Variants in PLXNA4 observed in about 807,000 individuals in gnomAD.
The protein encoded by PLXNA4 is plexin A4.
PLXNA4 carries 44 observed loss-of-function variants against 191.8 expected under a neutral mutation model. The ratio of observed to expected loss-of-function variants is 0.23; its 90% CI spans 0.18 to 0.29. PLXNA4 has a LOEUF of 0.29. Among genes scored for constraint, PLXNA4 ranks in the 10% least tolerant of loss-of-function variants. PLXNA4 has a pLI of 1.00. For synonymous variants in PLXNA4, 1,082 were observed against 1,009.5 expected, an observed-to-expected ratio of 1.07 and a Z score of -1.36; for missense variants, 1,800 against 2,488.8, an observed-to-expected ratio of 0.72 and a Z score of 5.89.
At chr7:132,239,279 G>A (rs1168733264) in intron 5 of PLXNA4, among the ~76,000 whole-genome samples, 3 of 152,158 alleles carry the variant, frequency 2.0e-5, no homozygotes, top group Non-Finnish European at 1.5e-5. Flanking sequence ...CAGCCCTGGG[G>A]GTGGGAGGTG....
Position 132,198,623 on chromosome 7 carries a change from G to A in PLXNA4, c.2600C>T (p.Thr867Ile). The change falls in exon 13 of 32, where the codon ACA becomes ATA. Residue 867 changes from threonine (T) to isoleucine (I), a missense_variant. This residue lies in a region of PLXNA4 where 1,397 missense variants were observed against 1,880.4 expected (regional missense o/e 0.74). Coordinates refer to ENST00000321063, the MANE Select transcript of PLXNA4 (RefSeq NM_020911.2). ...NPRITEIIPV[T>I]GPREGGTKVT... ...CTTGGTGCCCCCTTCCCGGGGGCCT[G>A]TCACCGGGATTATCTGGAGGGAGGA... 1 of 1,614,140 alleles carries A rather than the reference G, an allele frequency of 6.2e-7. No individual in the cohort carries two copies.
At chr7:132,217,430 G>A (rs1797997998) in intron 9 of PLXNA4, among the ~76,000 whole-genome samples, 1 of 152,146 alleles carries the variant, frequency 6.6e-6, no homozygotes, top group African/African-American at 2.4e-5. Context: ...TACAAAATGA[G>A]GGCTTTAATT....
intron 2 of PLXNA4, among the ~76,000 whole-genome samples, chr7:132,601,645 G>A (rs376047590): frequency 1.6e-4 from 24 of 152,242 alleles, no homozygotes; most frequent in East Asian, 3.9e-4. Context: ...CCTTGTACCC[G>A]GAAGCTTTCA....
chr7:132,577,980 T>C (rs542978057), upstream of PLXNA4, among the ~76,000 whole-genome samples: 2 of 152,252 alleles, frequency 1.3e-5, no homozygotes, highest in South Asian at 4.2e-4. Flanking sequence ...TTTCCATTCA[T>C]GTTTATACTG....
At chr7:132,201,974 C>T (rs927115108) in intron 12 of PLXNA4, among the ~76,000 whole-genome samples, 1 of 152,138 alleles carries the variant, frequency 6.6e-6, no homozygotes, top group African/African-American at 2.4e-5. Context: ...CGCTCAGGCC[C>T]ACCGCACATG....
chr7:132,522,467 T>C (rs1400683163), intron 1 of PLXNA4, among the ~76,000 whole-genome samples: 1 of 152,198 alleles, frequency 6.6e-6, no homozygotes, highest in African/African-American at 2.4e-5. Context: ...TCCAATACTT[T>C]CCTAATAAAC....
At chr7:132,297,918 A>C (rs1254171018) in intron 4 of PLXNA4, among the ~76,000 whole-genome samples, 173 bp downstream of exon 4, 1 of 152,212 alleles carries the variant, frequency 6.6e-6, no homozygotes, top group Non-Finnish European at 1.5e-5. Context: ...CTGTTTCAGA[A>C]CACCAAGCCT....
chr7:132,374,303 C>T (rs1022904196), intron 3 of PLXNA4, among the ~76,000 whole-genome samples: 5 of 152,120 alleles, frequency 3.3e-5, no homozygotes, highest in East Asian at 1.9e-4. Flanking sequence ...CATTAGGAGC[C>T]GCTGATGTTG....
At chr7:132,228,583 G>C in intron 5 of PLXNA4, 114 bp from the exon 6 acceptor site, 1 of 1,350,684 alleles carries the variant, frequency 7.4e-7, no homozygotes, top group East Asian at 2.5e-5. Flanking sequence ...AACTCAATGC[G>C]CCCAGAGCTA....
chr7:132,605,094 C>A (rs1283771774), intron 2 of PLXNA4, among the ~76,000 whole-genome samples: 1 of 152,236 alleles, frequency 6.6e-6, no homozygotes, highest in Non-Finnish European at 1.5e-5. Context: ...CTGCAGGAAT[C>A]ATCTCATTTA....
intron 1 of PLXNA4, among the ~76,000 whole-genome samples, chr7:132,534,852 C>G (rs1799768142): frequency 6.6e-6 from 1 of 152,186 alleles, no homozygotes. Flanking sequence ...GATGCTGAGG[C>G]TGACACGGCG....
At chr7:132,198,373 CT>C in intron 13 of PLXNA4, 111 bp downstream of exon 13, 13 of 1,447,494 alleles carry the variant, frequency 9.0e-6, no homozygotes, top group Admixed American at 4.8e-5. Context: ...GGTGGTTCTC[CT>C]TTTTCCCCCA....
At chr7:132,297,409 G>T (rs1801128112) in intron 4 of PLXNA4, among the ~76,000 whole-genome samples, 1 of 152,130 alleles carries the variant, frequency 6.6e-6, no homozygotes, top group African/African-American at 2.4e-5. Flanking sequence ...GCCTGCTGCA[G>T]ACATATGACT....
chr7:132,210,106 G>A (rs940503141), intron 10 of PLXNA4, among the ~76,000 whole-genome samples: 1 of 152,192 alleles, frequency 6.6e-6, no homozygotes, highest in African/African-American at 2.4e-5. Flanking sequence ...TCTCTTTTGT[G>A]CAGTGAAGAA....
In PLXNA4 at chr7:132,378,479, G is replaced by T. The variant is rs115925344; in HGVS notation, c.1372-80257C>A. ...AAGGCCTAAAGCAGGCTGTGTCCTG[G>T]GTTGTCACCTCTCCCCTAGCATGTC... On this transcript the variant is annotated intron_variant, in intron 3 of 31. Transcript: ENST00000321063. 2.8e-3 allele frequency among the ~76,000 whole-genome samples: 433 copies of T among 152,194 alleles called. 2 individuals carry two copies. The highest frequency in any genetic ancestry group is 0.01 in the African/African-American group (427 of 41,524).
intron 4 of PLXNA4, among the ~76,000 whole-genome samples, chr7:132,280,111 T>C (rs1800424744): frequency 6.6e-6 from 1 of 152,198 alleles, no homozygotes; most frequent in African/African-American, 2.4e-5. Context: ...ACCCTTTAAA[T>C]TGATTTCATG....
At chr7:132,505,399 C>T (rs1481735677) in intron 2 of PLXNA4, among the ~76,000 whole-genome samples, 1 of 152,170 alleles carries the variant, frequency 6.6e-6, no homozygotes, top group African/African-American at 2.4e-5. Context: ...AAGAGCATCG[C>T]CCAAAAAGTC....
chr7:132,322,184 C>CTTTTTTTTTTTTTTT lies in PLXNA4; in HGVS notation c.1372-23977_1372-23963dup, dbSNP rs5887566. Among the ~76,000 whole-genome samples, 6 of 122,496 alleles carry CTTTTTTTTTTTTTTT rather than the reference C, an allele frequency of 4.9e-5. 1 individual carries two copies. Among genetic ancestry groups the CTTTTTTTTTTTTTTT allele is most frequent in the Admixed American group, 1.9e-4 (2 of 10,620 alleles). 80.4% of individuals were successfully genotyped at this position (122,496 alleles called of 152,430 possible). A position where few individuals can be genotyped will look rare whatever the true frequency, so the allele number is the denominator to read the frequency against. ...CTAGAGTTCAATTTCCCTAAAAGGGCTTTTTTTTTTTTTTTTTTAACAGAG... is the reference window on the plus strand; with the variant it reads ...CTAGAGTTCAATTTCCCTAAAAGGGCTTTTTTTTTTTTTTTTTTTTTTTTTTTTTTTTTAACAGAG... On this transcript the variant is annotated intron_variant, in intron 3 of 31. Transcript: ENST00000321063.
At chr7:132,641,245 C>T (rs1426332799) in intron 2 of PLXNA4, among the ~76,000 whole-genome samples, 1 of 152,218 alleles carries the variant, frequency 6.6e-6, no homozygotes, top group African/African-American at 2.4e-5. Flanking sequence ...ATGCCACAGC[C>T]TGGGTGGCTT....
Sources: gnomAD v4.1 joint callset for allele counts (sites outside exome capture counted in the v4.1 genomes callset) on GRCh38, gnomAD v4.1.1 for gene constraint, gnomAD v4.1.1 regional missense constraint, MANE v1.5 for transcripts, NCBI Gene and HGNC (gene_info 2026-07-23, HGNC 2026-07-21) for gene names.